The following ROBO3 variants were observed in gnomAD, a reference collection of about 807,000 sequenced individuals.
ROBO3 encodes roundabout homolog 3.
A neutral mutation model predicts 160.5 loss-of-function variants in ROBO3; 97 were observed. That is an observed-to-expected ratio of 0.60 (90% CI 0.51 to 0.72). The LOEUF (loss-of-function observed/expected upper bound fraction) is 0.72. Among genes scored for constraint, ROBO3 ranks in the 30% least tolerant of loss-of-function variants. The pLI is 0.00. For synonymous variants in ROBO3, 780 were observed against 746.2 expected (o/e 1.05, Z -0.74); for missense variants, 1,858 against 1,846.5 (o/e 1.01, Z -0.11).
In ROBO3 at chr11:124,874,796, C is replaced by T; in HGVS notation, c.1960C>T (p.Pro654Ser). 1 of 1,605,554 alleles carries T rather than the reference C, an allele frequency of 6.2e-7. No homozygotes were observed. Among genetic ancestry groups the T allele is most frequent in the Non-Finnish European group, 8.5e-7 (1 of 1,176,204 alleles). ...SEPVRTQDSS[P>S]SRPVEDPWRG... is the part of the protein sequence containing the mutation. ...GGTTCCTTGGTCAACAGATAGCAGC[C>T]CCTCTAGGCCAGTGGAGGACCCATG... is the stretch of plus-strand genomic sequence containing the variant. The change falls in exon 13 of 28, where the codon CCC (proline) becomes TCC (serine). Residue 654 changes from proline (P) to serine (S), a missense_variant. By Grantham distance (74) the Pro-to-Ser change is moderately conservative (BLOSUM62 -1). Coordinates refer to ENST00000397801, the MANE Select transcript of ROBO3 (RefSeq NM_022370.4).
In ROBO3 at chr11:124,879,528, G is replaced by A. The variant is rs763940056; in HGVS notation, c.3749G>A (p.Arg1250Gln). The A allele has an allele frequency of 8.2e-5, 132 of 1,613,736 alleles. 1 individual carries two copies. Among genetic ancestry groups the A allele is most frequent in the Non-Finnish European group, 1.1e-4 (124 of 1,179,822 alleles). Residue 1250 changes from arginine (R) to glutamine (Q), a missense_variant, in exon 25 of 28, where the codon CGG becomes CAG. Physicochemically the swap from Arg to Gln is conservative, Grantham distance 43 (BLOSUM62 1). Coordinates refer to ENST00000397801, the MANE Select transcript of ROBO3 (RefSeq NM_022370.4). The stretch of plus-strand genomic sequence containing the variant: ...CTTCAAGGACCCCGTGCTCGATTCC[G>A]GAAGAAACCCAAGGCTCTTCCCTAC... Reference protein sequence around the residue: ...PPLQGPRARFRKKPKALPYRR... With the variant: ...PPLQGPRARFQKKPKALPYRR...
rs759966201 is a variant in ROBO3 at position 124,865,533 on chromosome 11, G to T, written c.-45G>T. On this transcript the variant is annotated 5_prime_UTR_variant, in exon 1 of 28. Transcript: ENST00000397801. This position sits in a 1 kb window ranked among gnomAD's most constrained non-coding sequence, Gnocchi z 5.5. ...CCAGCCCACGGGTCTCAGACCCAGGGGCTGGGCCCCCAGCCCCCAGTCCCG... is the reference window on the plus strand; with the variant it reads ...CCAGCCCACGGGTCTCAGACCCAGGTGCTGGGCCCCCAGCCCCCAGTCCCG... The T allele has an allele frequency of 5.8e-5, 92 of 1,595,450 alleles. No homozygotes were observed. Among genetic ancestry groups the T allele is most frequent in the Non-Finnish European group, 7.7e-5 (90 of 1,173,196 alleles).
At position 124,868,980 on chromosome 11, in the gene ROBO3, G is replaced by A. The variant is rs1294197866; in HGVS notation, c.339G>A (p.Ala113=). 1.2e-6 allele frequency: 2 copies of A among 1,601,644 alleles called. No individual in the cohort carries two copies. Among genetic ancestry groups the A allele is most frequent in the Middle Eastern group, 1.7e-4 (1 of 6,050 alleles). The change falls in exon 2 of 28, where the codon GCG becomes GCA. Residue 113 remains alanine, a synonymous_variant. Coordinates refer to ENST00000397801, the MANE Select transcript of ROBO3 (RefSeq NM_022370.4). The part of the protein sequence containing the change: ...RVATVREDPR[A]HRLLLPSGAL... The stretch of plus-strand genomic sequence containing the variant: ...CCACTGTGCGGGAGGATCCGCGTGC[G>A]CACCGCCTGCTGCTGCCCAGCGGCG...
In ROBO3 at chr11:124,869,429, G is replaced by GCCCCCCCCCCCCCCCCC. The variant is rs34127060; in HGVS notation, c.488-15_488-14insCCCCCCCCCCCCCCCCC. On this transcript the variant is annotated intron_variant, in intron 2 of 27. Coordinates refer to ENST00000397801, the MANE Select transcript of ROBO3 (RefSeq NM_022370.4). The surrounding 1 kb of genome is among the most constrained non-coding windows in gnomAD (Gnocchi z 4.2). Reference sequence around the variant, plus strand: ...TGTCACTCTACACCCTGCTTATTTCGCCCCCCACCGCCCCGCCCAGTCCTC... The same window carrying GCCCCCCCCCCCCCCCCC: ...TGTCACTCTACACCCTGCTTATTTCGCCCCCCCCCCCCCCCCCCCCCCCACCGCCCCGCCCAGTCCTC... 1.2e-5 allele frequency: 15 copies of GCCCCCCCCCCCCCCCCC among 1,301,770 alleles called. No homozygotes were observed. The highest frequency in any genetic ancestry group is 7.5e-5 in the South Asian group (6 of 79,968). The allele number at this position is 1,301,770 out of a possible 1,614,324, so 80.6% of individuals were successfully genotyped here. A position where few individuals can be genotyped will look rare whatever the true frequency, so the allele number is the denominator to read the frequency against.
chr11:124,879,709 G>A, intron 25 of ROBO3, 78 bp from the exon 26 acceptor site: 1 of 1,588,780 alleles, frequency 6.3e-7, no homozygotes, highest in Non-Finnish European at 8.6e-7. Context: ...CAGCCTCCTG[G>A]TGCCAGGGAA....
Position 124,878,285 on chromosome 11 carries a change from C to T in ROBO3, c.3182-13C>T. The T allele has an allele frequency of 6.2e-7, 1 of 1,611,792 alleles. No individual in the cohort carries two copies. Reference sequence around the variant, plus strand: ...TGCCTGTTCTCCGGGTGTCCCCATCCTATTCTCCTCAGGAGCCAAGGGAGG... The same window carrying T: ...TGCCTGTTCTCCGGGTGTCCCCATCTTATTCTCCTCAGGAGCCAAGGGAGG... On this transcript the variant is annotated splice_polypyrimidine_tract_variant and intron_variant, in intron 21 of 27. Transcript: ENST00000397801. This position sits in a 1 kb window ranked among gnomAD's most constrained non-coding sequence, Gnocchi z 4.3.
chr11:124,875,626 A>T lies in ROBO3; in HGVS notation c.2362A>T (p.Thr788Ser), dbSNP rs1946349136. ...ALGGDGNSSI[T>S]VSWEPPLPSQ... is the part of the protein sequence containing the mutation. Reference sequence around the variant, plus strand: ...GGGGGGTGATGGCAACAGCAGTATCACTGTGTCCTGGGAACCTCCACTCCC... The same window carrying T: ...GGGGGGTGATGGCAACAGCAGTATCTCTGTGTCCTGGGAACCTCCACTCCC... The change falls in exon 15 of 28, where the codon ACT becomes TCT. Residue 788 changes from threonine (T) to serine (S), a missense_variant. Physicochemically the swap from Thr to Ser is moderately conservative, Grantham distance 58. Coordinates refer to ENST00000397801, the MANE Select transcript of ROBO3 (RefSeq NM_022370.4). 1.2e-6 allele frequency: 2 copies of T among 1,611,220 alleles called. No individual in the cohort carries two copies. The highest frequency in any genetic ancestry group is 1.7e-6 in the Non-Finnish European group (2 of 1,178,976).
intron 1 of ROBO3, among the ~76,000 whole-genome samples, chr11:124,867,014 G>A (rs1946206636): frequency 6.6e-6 from 1 of 152,164 alleles, no homozygotes; most frequent in Non-Finnish European, 1.5e-5. Context: ...TCGAAACTTA[G>A]TGAGGTATGC....
chr11:124,876,472 G>A lies in ROBO3; in HGVS notation c.2779+12G>A, dbSNP rs778323949. 2.5e-5 allele frequency: 34 copies of A among 1,376,404 alleles called. No individual in the cohort carries two copies. The highest frequency in any genetic ancestry group is 2.4e-5 in the Non-Finnish European group (26 of 1,069,904). The allele number at this position is 1,376,404 out of a possible 1,614,324, so 85.3% of individuals were successfully genotyped here. On this transcript the variant is annotated intron_variant, in intron 17 of 27. Coordinates refer to ENST00000397801, the MANE Select transcript of ROBO3 (RefSeq NM_022370.4). The surrounding 1 kb of genome is among the most constrained non-coding windows in gnomAD (Gnocchi z 5.3). ...CAGCCACTACACGGGTGAGCTCCCGGCCTCGGAGCGGACGGATCCGGGAGG... is the reference window on the plus strand; with the variant it reads ...CAGCCACTACACGGGTGAGCTCCCGACCTCGGAGCGGACGGATCCGGGAGG...
intron 12 of ROBO3, among the ~76,000 whole-genome samples, 155 bp from the exon 13 acceptor site, chr11:124,874,633 T>C (rs1485118420): frequency 6.6e-6 from 1 of 152,218 alleles, no homozygotes; most frequent in Non-Finnish European, 1.5e-5. Flanking sequence ...CCGAGGCCCA[T>C]GTCTGGAAGC....
rs1231168543 is a variant in ROBO3, at chr11:124,874,300, C to G, written c.1951+64C>G. The G allele has an allele frequency of 4.1e-6, 6 of 1,463,244 alleles. No homozygotes were observed. In the Admixed American group the frequency reaches 7.8e-5, roughly 19 times the overall value. 90.6% of individuals were successfully genotyped at this position (1,463,244 alleles called of 1,614,324 possible). A position where few individuals can be genotyped will look rare whatever the true frequency, so the allele number is the denominator to read the frequency against. ...AACATCATAAAGCAACCCTCTCCCC[C>G]AAAACCATGACACCACGGCAGTTCA... On this transcript the variant is annotated intron_variant, in intron 12 of 27. Coordinates refer to ENST00000397801, the MANE Select transcript of ROBO3 (RefSeq NM_022370.4).
At position 124,875,563 on chromosome 11, in the gene ROBO3, G is replaced by T. The variant is rs767083637; in HGVS notation, c.2300-1G>T. The T allele has an allele frequency of 1.2e-6, 2 of 1,611,078 alleles. No homozygotes were observed. Among genetic ancestry groups the T allele is most frequent in the Non-Finnish European group, 1.7e-6 (2 of 1,178,852 alleles). Reference sequence around the variant, plus strand: ...TCTCACCATGCTCCACCCTGGCCCAGCCCCCAGTGGCCCCCCACAGGGAGT... The same window carrying T: ...TCTCACCATGCTCCACCCTGGCCCATCCCCCAGTGGCCCCCCACAGGGAGT... On this transcript the variant is annotated splice_acceptor_variant, in intron 14 of 27. Coordinates refer to ENST00000397801, the MANE Select transcript of ROBO3 (RefSeq NM_022370.4). LOFTEE classifies it high-confidence loss of function.
In ROBO3 at chr11:124,872,369, C is replaced by T. The variant is rs539513020; in HGVS notation, c.1159-12C>T. 3 of 1,613,768 alleles carry T rather than the reference C, an allele frequency of 1.9e-6. No homozygotes were observed. In the South Asian group the frequency reaches 3.3e-5, roughly 18 times the overall value. On this transcript the variant is annotated splice_polypyrimidine_tract_variant and intron_variant, in intron 7 of 27. Transcript: ENST00000397801. This position sits in a 1 kb window ranked among gnomAD's most constrained non-coding sequence, Gnocchi z 4.3. ...GCTCATTCCCTACCCTGGTTCCTTG[C>T]TCTGTCCCCAGGTCCTGCTTTTCCC...
Position 124,870,718 on chromosome 11 carries a change from C to G in ROBO3, c.1023C>G (p.Leu341=). The change falls in exon 6 of 28, where the codon CTC becomes CTG. Residue 341 remains leucine (L), a synonymous_variant. Coordinates refer to ENST00000397801, the MANE Select transcript of ROBO3 (RefSeq NM_022370.4). ...SVGRAEASGS[L]SVHVPPQLVT... ...GCCGCGCTGAAGCATCTGGCTCCCT[C>G]AGTGTTCACGGTGAGGGCTGTACTT... 11 of 1,611,386 alleles carry G rather than the reference C, an allele frequency of 6.8e-6. No individual in the cohort carries two copies. The highest frequency in any genetic ancestry group is 9.3e-6 in the Non-Finnish European group (11 of 1,178,914).
Position 124,876,597 on chromosome 11 carries a change from AG to A in ROBO3, c.2779+141del. The A allele has an allele frequency of 1.4e-6, 1 of 713,682 alleles. No individual in the cohort carries two copies. Among genetic ancestry groups the A allele is most frequent in the Non-Finnish European group, 2.0e-6 (1 of 490,522 alleles). 44.2% of individuals were successfully genotyped at this position (713,682 alleles called of 1,614,324 possible). ...GCACCTGGAGTTCAGCCTCTTGGGT[AG>A]GGGCGGGATACGTGGGGCGACTCGA... is the stretch of plus-strand genomic sequence containing the variant. On this transcript the variant is annotated intron_variant, in intron 17 of 27. Coordinates refer to ENST00000397801, the MANE Select transcript of ROBO3 (RefSeq NM_022370.4). The surrounding 1 kb of genome is among the most constrained non-coding windows in gnomAD (Gnocchi z 5.3).
chr11:124,868,455 G>T, intron 1 of ROBO3: 1 of 581,854 alleles, frequency 1.7e-6, no homozygotes, highest in Non-Finnish European at 3.1e-6. Flanking sequence ...CAGGAGGCGA[G>T]GGAGCGGTCT....
At position 124,868,782 on chromosome 11, in the gene ROBO3, G is replaced by A. The variant is rs780628512; in HGVS notation, c.161-20G>A. 1.1e-5 allele frequency: 17 copies of A among 1,594,186 alleles called. No homozygotes were observed. Among genetic ancestry groups the A allele is most frequent in the Non-Finnish European group, 1.5e-5 (17 of 1,170,534 alleles). On this transcript the variant is annotated intron_variant, in intron 1 of 27. Coordinates refer to ENST00000397801, the MANE Select transcript of ROBO3 (RefSeq NM_022370.4). ...CACAATTTCCCTGTCTGAACGCTCT[G>A]CGCCACCCCCTGTCCCCAGGGTCAA...
intron 17 of ROBO3, 135 bp from the exon 18 acceptor site, chr11:124,877,026 C>T: frequency 1.0e-6 from 1 of 994,542 alleles, no homozygotes; most frequent in Non-Finnish European, 1.6e-6. Flanking sequence ...CCGAGAAATT[C>T]TGATGAAATG....
chr11:124,869,109 C>T lies in ROBO3; in HGVS notation c.468C>T (p.Asn156=), dbSNP rs766578334. 3.2e-6 allele frequency: 5 copies of T among 1,569,070 alleles called. No individual in the cohort carries two copies. The highest frequency in any genetic ancestry group is 4.3e-6 in the Non-Finnish European group (5 of 1,157,510). Residue 156 remains asparagine (N), a synonymous_variant, in exon 2 of 28, where the codon AAC becomes AAT. Transcript: ENST00000397801. The surrounding 1 kb of genome is among the most constrained non-coding windows in gnomAD (Gnocchi z 4.2). ...ACCTGGGGGCAGCAGCGAGCAGAAA[C>T]GCCTCGCTGGAAGTGGCAGGTGAGA... ...RNYLGAAASR[N]ASLEVAVLRD... is the part of the protein sequence containing the mutation.
Sources: gnomAD v4.1 joint callset for allele counts (sites outside exome capture counted in the v4.1 genomes callset) on GRCh38, gnomAD v4.1.1 for gene constraint, Gnocchi (gnomAD v3.1) non-coding constraint, MANE v1.5 for transcripts, NCBI Gene and HGNC (gene_info 2026-07-23, HGNC 2026-07-21) for gene names.